The following NMBR variants were observed in gnomAD, a reference collection of about 807,000 sequenced individuals.
NMBR encodes the protein neuromedin-B receptor.
NMBR carries 16 observed loss-of-function variants against 20.5 expected under a neutral mutation model. The ratio of observed to expected loss-of-function variants is 0.78; its 90% CI spans 0.53 to 1.19. The LOEUF is 1.19. NMBR is among the 50% of genes most tolerant of loss of function. NMBR has a pLI of 0.00. For synonymous variants in NMBR, 212 were observed against 196.6 expected (o/e 1.08, Z -0.65); for missense variants, 582 against 499.1 (o/e 1.17, Z -1.58).
intron 1 of NMBR, among the ~76,000 whole-genome samples, chr6:142,118,112 T>G (rs901422291): frequency 9.9e-5 from 15 of 152,094 alleles, no homozygotes; most frequent in Non-Finnish European, 1.3e-4. Flanking sequence ...AAAATCAGTA[T>G]TTTCCAGAAA....
intron 2 of NMBR, among the ~76,000 whole-genome samples, chr6:142,079,112 A>AGAG (rs758043461): frequency 4.3e-5 from 2 of 46,602 alleles, no homozygotes; most frequent in Admixed American, 2.5e-4. Flanking sequence ...GAGAGAAAGA[A>AGAG]AGAAAGAAAG....
intron 1 of NMBR, among the ~76,000 whole-genome samples, chr6:142,123,412 G>A (rs913539971): frequency 1.3e-5 from 2 of 151,952 alleles, no homozygotes; most frequent in Non-Finnish European, 2.9e-5. Context: ...AACAACAAAG[G>A]ATCTAGAATA....
intron 1 of NMBR, among the ~76,000 whole-genome samples, chr6:142,094,368 T>C (rs552058112): frequency 1.3e-5 from 2 of 152,346 alleles, no homozygotes; most frequent in East Asian, 1.9e-4. Context: ...TTTCTACATA[T>C]GGCTGACCAG....
chr6:142,086,563 C>A (rs1777204451), intron 2 of NMBR, among the ~76,000 whole-genome samples: 2 of 151,986 alleles, frequency 1.3e-5, no homozygotes, highest in African/African-American at 2.4e-5. Context: ...TTTATATTTC[C>A]TAAACACACA....
intron 1 of NMBR, chr6:142,134,826 T>C (rs1562247954): frequency 6.0e-6 from 4 of 669,252 alleles, no homozygotes; most frequent in East Asian, 2.7e-5. Flanking sequence ...TTTTTCTCAT[T>C]GCAATAAATA....
intron 1 of NMBR, among the ~76,000 whole-genome samples, chr6:142,113,561 A>G (rs766559771): frequency 6.6e-6 from 1 of 152,130 alleles, no homozygotes; most frequent in Non-Finnish European, 1.5e-5. Flanking sequence ...AAAACAATAT[A>G]AAATAATTAA....
At chr6:142,081,945 T>A (rs1020234318) in intron 2 of NMBR, among the ~76,000 whole-genome samples, 1 of 152,192 alleles carries the variant, frequency 6.6e-6, no homozygotes, top group Non-Finnish European at 1.5e-5. Context: ...TAAACCTCAA[T>A]AAATAAATAG....
chr6:142,142,404 A>T (rs936321775), intron 1 of NMBR, among the ~76,000 whole-genome samples: 24 of 152,338 alleles, frequency 1.6e-4, no homozygotes, highest in Admixed American at 9.8e-4. Context: ...AATATATATA[A>T]AAATAATACA....
intron 1 of NMBR, among the ~76,000 whole-genome samples, chr6:142,116,274 A>G (rs1434676429): frequency 2.0e-5 from 3 of 151,890 alleles, no homozygotes; most frequent in Non-Finnish European, 2.9e-5. Flanking sequence ...TCTCCCAAAA[A>G]GATACCCAAA....
intron 2 of NMBR, among the ~76,000 whole-genome samples, chr6:142,085,400 TGTAATCTCA>T (rs1377058948): frequency 6.6e-6 from 1 of 152,144 alleles, no homozygotes; most frequent in Non-Finnish European, 1.5e-5. Flanking sequence ...GGCGTGTGCC[TGTAATCTCA>T]GCTACTCAGG....
At chr6:142,111,926 C>G (rs73577741) in intron 1 of NMBR, among the ~76,000 whole-genome samples, 132 of 152,270 alleles carry the variant, frequency 8.7e-4, no homozygotes, top group African/African-American at 2.8e-3. Context: ...AAAAGGTAAG[C>G]AAATACTTCA....
chr6:142,141,619 C>T (rs1432678995), intron 1 of NMBR, among the ~76,000 whole-genome samples: 1 of 151,352 alleles, frequency 6.6e-6, no homozygotes, highest in Admixed American at 6.6e-5. Flanking sequence ...ATTCTCCTGC[C>T]TCAGCCTCCC....
chr6:142,088,174 G>C, intron 2 of NMBR, 63 bp downstream of exon 2: 1 of 1,533,688 alleles, frequency 6.5e-7, no homozygotes, highest in Non-Finnish European at 8.8e-7. Context: ...CTCCGGGTGA[G>C]TCTTCTCTAC....
intron 1 of NMBR, among the ~76,000 whole-genome samples, chr6:142,104,328 T>C (rs1777618286): frequency 6.6e-6 from 1 of 152,246 alleles, no homozygotes; most frequent in African/African-American, 2.4e-5. Flanking sequence ...CTATTAATAA[T>C]ATATGCATTA....
Position 142,088,283 on chromosome 6 carries a change from A to G in NMBR, c.376T>C (p.Ser126Pro), listed in dbSNP as rs2114566110. ...CKLIPVIQLT[S>P]VGVSVFTLTA... ...AGAGTGAACACGGAAACCCCCACGG[A>G]AGTGAGCTGGATGACAGGGATCAGT... The change falls in exon 2 of 4, where the codon TCC becomes CCC. Residue 126 changes from serine (S) to proline (P), a missense_variant. Physicochemically the swap from Ser to Pro is moderately conservative, Grantham distance 74. Coordinates refer to ENST00000258042, the MANE Select transcript of NMBR (RefSeq NM_002511.4). 2 of 1,613,822 alleles carry G rather than the reference A, an allele frequency of 1.2e-6. No individual in the cohort carries two copies. Among genetic ancestry groups the G allele is most frequent in the Non-Finnish European group, 1.7e-6 (2 of 1,180,020 alleles).
intron 1 of NMBR, among the ~76,000 whole-genome samples, chr6:142,143,627 C>T (rs549583139): frequency 4.6e-5 from 7 of 152,308 alleles, no homozygotes; most frequent in Admixed American, 1.3e-4. Flanking sequence ...GGCAGTCTTA[C>T]TCATTTGTAA....
intron 1 of NMBR, among the ~76,000 whole-genome samples, chr6:142,100,756 G>A (rs183673208): frequency 3.5e-4 from 54 of 152,296 alleles, no homozygotes; most frequent in African/African-American, 1.3e-3. Flanking sequence ...GTGCCACTTT[G>A]ATGAGGAAAA....
intron 1 of NMBR, among the ~76,000 whole-genome samples, chr6:142,092,086 T>C (rs530836656): frequency 6.6e-6 from 1 of 152,256 alleles, no homozygotes; most frequent in Non-Finnish European, 1.5e-5. Flanking sequence ...GCTATTATCA[T>C]TGTTATTTAA....
rs546714790 is a variant in NMBR, at chr6:142,094,275, T to A, written c.-663-4954A>T. On this transcript the variant is annotated intron_variant, in intron 1 of 3. Transcript: ENST00000258042. The stretch of plus-strand genomic sequence containing the variant: ...CCTAGGTTTTCTTCTAGGGTTTTTA[T>A]TGTTTTAGGTCTAACATTTAAGTCT... Among the ~76,000 whole-genome samples the A allele has an allele frequency of 2.4e-4, 36 of 152,334 alleles. No individual in the cohort carries two copies. In the East Asian group the frequency reaches 6.7e-3, roughly 29 times the overall value.
Sources: gnomAD v4.1 joint callset for allele counts (sites outside exome capture counted in the v4.1 genomes callset) on GRCh38, gnomAD v4.1.1 for gene constraint, MANE v1.5 for transcripts, NCBI Gene and HGNC (gene_info 2026-07-23, HGNC 2026-07-21) for gene names.